Variants in TIAM2 observed in about 807,000 individuals in gnomAD.
The protein encoded by TIAM2 is rho guanine nucleotide exchange factor TIAM2.
Under a neutral mutation model 152.9 loss-of-function variants are expected in TIAM2, and 80 were observed. The observed-to-expected ratio is 0.52, with a 90% CI of 0.44 to 0.63. The LOEUF (loss-of-function observed/expected upper bound fraction) is 0.63, where lower values mean the gene tolerates loss of function less well. Among genes scored for constraint, TIAM2 ranks in the 30% least tolerant of loss-of-function variants. The pLI is 0.00. For missense variants in TIAM2, 1,965 were observed against 2,120.1 expected, an observed-to-expected ratio of 0.93 and a Z score of 1.44; for synonymous variants, 804 against 838.0, an observed-to-expected ratio of 0.96 and a Z score of 0.70.
intron 10 of TIAM2, among the ~76,000 whole-genome samples, chr6:155,177,385 C>T (rs1780783158): frequency 6.6e-6 from 1 of 152,170 alleles, no homozygotes; most frequent in South Asian, 2.1e-4. Flanking sequence ...AAACACGAAA[C>T]TTGATATATT....
chr6:155,029,462 T>G (rs1296910180), intron 1 of TIAM2, among the ~76,000 whole-genome samples: 2 of 56,254 alleles, frequency 3.6e-5, no homozygotes, highest in East Asian at 7.5e-4. Flanking sequence ...ATATTATATA[T>G]AATATATACT....
chr6:155,210,370 T>G (rs1781691175), intron 14 of TIAM2, among the ~76,000 whole-genome samples: 2 of 151,862 alleles, frequency 1.3e-5, no homozygotes, highest in African/African-American at 4.8e-5. Context: ...CCAGGCTGGA[T>G]TGCAGTGGCA....
intron 10 of TIAM2, among the ~76,000 whole-genome samples, chr6:155,177,242 C>CT (rs1210543957): frequency 1.3e-5 from 2 of 152,116 alleles, no homozygotes; most frequent in African/African-American, 4.8e-5. Flanking sequence ...TCTATGTATA[C>CT]TTTGATATCT....
chr6:155,214,833 G>T lies in TIAM2; in HGVS notation c.3168+3526G>T, dbSNP rs970458263. 6.6e-6 allele frequency among the ~76,000 whole-genome samples: 1 copy of T among 152,128 alleles called. No individual in the cohort carries two copies. Among genetic ancestry groups the T allele is most frequent in the Middle Eastern group, 3.2e-3 (1 of 316 alleles). On this transcript the variant is annotated intron_variant, in intron 15 of 26. Coordinates refer to ENST00000682666, the MANE Select transcript of TIAM2 (RefSeq NM_012454.4). The surrounding 1 kb of genome is among the most constrained non-coding windows in gnomAD (Gnocchi z 5.4). Reference sequence around the variant, plus strand: ...ATTTTAATAATACAATAGATATGGGGTCTCACTATGTTGCTGAGGCTGGTC... The same window carrying T: ...ATTTTAATAATACAATAGATATGGGTTCTCACTATGTTGCTGAGGCTGGTC...
chr6:155,112,125 CTTTT>C (rs34148436), intron 2 of TIAM2, among the ~76,000 whole-genome samples: 4 of 131,392 alleles, frequency 3.0e-5, no homozygotes, highest in Non-Finnish European at 4.8e-5. Flanking sequence ...TTGGTTTCCT[CTTTT>C]TTTTTTTTTT....
At chr6:155,183,945 T>C (rs1780972358) in intron 14 of TIAM2, among the ~76,000 whole-genome samples, 1 of 152,224 alleles carries the variant, frequency 6.6e-6, no homozygotes, top group Non-Finnish European at 1.5e-5. Flanking sequence ...TGTTAAGTAC[T>C]ACTTTATTAA....
intron 2 of TIAM2, among the ~76,000 whole-genome samples, chr6:155,101,378 C>T (rs565257805): frequency 6.6e-6 from 1 of 152,308 alleles, no homozygotes; most frequent in African/African-American, 2.4e-5. Flanking sequence ...CTCTTCAGCA[C>T]ATGAATATTG....
At chr6:155,144,881 G>T in intron 6 of TIAM2, 103 bp downstream of exon 6, 1 of 1,333,070 alleles carries the variant, frequency 7.5e-7, no homozygotes, top group Non-Finnish European at 1.0e-6. Flanking sequence ...TAAATACTTA[G>T]TTAGGCTTTG....
rs892443042 is a variant in TIAM2, at chr6:155,156,998, C to A, written c.2029-7417C>A. On this transcript the variant is annotated intron_variant, in intron 7 of 26. Coordinates refer to ENST00000682666, the MANE Select transcript of TIAM2 (RefSeq NM_012454.4). This position sits in a 1 kb window ranked among gnomAD's most constrained non-coding sequence, Gnocchi z 4.4. ...CTCCCACAGTTCTCCATGTCTGTGC[C>A]ACTGCTGTCATCCATGGCTTTGTCA... Among the ~76,000 whole-genome samples, 4 of 152,226 alleles carry A rather than the reference C, an allele frequency of 2.6e-5. No homozygotes were observed. Among genetic ancestry groups the A allele is most frequent in the Middle Eastern group, 3.2e-3 (1 of 316 alleles).
chr6:155,252,093 G>C, intron 23 of TIAM2, 90 bp downstream of exon 23: 2 of 1,030,392 alleles, frequency 1.9e-6, no homozygotes, highest in Non-Finnish European at 1.5e-6. Context: ...TGAGCACCAA[G>C]GCTGGGCTGA....
chr6:155,248,114 C>T lies in TIAM2; in HGVS notation c.3767C>T (p.Pro1256Leu), dbSNP rs759623858. 4 of 1,614,170 alleles carry T rather than the reference C, an allele frequency of 2.5e-6. No individual in the cohort carries two copies. Among genetic ancestry groups the T allele is most frequent in the South Asian group, 2.2e-5 (2 of 91,088 alleles). The change falls in exon 20 of 27, where the codon CCG (proline) becomes CTG (leucine). Residue 1256 changes from proline (P) to leucine (L), a missense_variant. Physicochemically the swap from Pro to Leu is moderately conservative, Grantham distance 98. This residue lies in a region of TIAM2 where 935 missense variants were observed against 980.0 expected (regional missense o/e 0.95). Coordinates refer to ENST00000682666, the MANE Select transcript of TIAM2 (RefSeq NM_012454.4). ...IKPVQRVLKY[P>L]LLLKELVSLT... The stretch of plus-strand genomic sequence containing the variant: ...CCGGTTCAGAGAGTGCTCAAGTACC[C>T]GCTGCTGCTCAAGGAGCTGGTGTCC...
intron 1 of TIAM2, among the ~76,000 whole-genome samples, chr6:155,082,711 T>TAG (rs1562310408): frequency 1.2e-5 from 1 of 81,872 alleles, no homozygotes; most frequent in African/African-American, 4.5e-5. Flanking sequence ...TAAATAAATA[T>TAG]CGTAGAAGTG....
chr6:155,182,634 A>G (rs961270948), intron 13 of TIAM2, among the ~76,000 whole-genome samples: 1 of 152,112 alleles, frequency 6.6e-6, no homozygotes, highest in Non-Finnish European at 1.5e-5. Context: ...AAGAAAATGC[A>G]TATGCCTATA....
At chr6:155,063,651 A>G (rs1414621652) in intron 1 of TIAM2, among the ~76,000 whole-genome samples, 1 of 151,986 alleles carries the variant, frequency 6.6e-6, no homozygotes, top group Non-Finnish European at 1.5e-5. Context: ...GCGTGGTGGT[A>G]CATGCCTGCT....
Position 155,226,522 on chromosome 6 carries a change from G to A in TIAM2, c.3169-14008G>A, listed in dbSNP as rs558382701. On this transcript the variant is annotated intron_variant, in intron 15 of 26. Transcript: ENST00000682666. ...CCATCTCTACTAAAAAAAATTAGCT[G>A]GGTATGGTGGTGCACGCCTGTAATC... Among the ~76,000 whole-genome samples the A allele has an allele frequency of 3.0e-3, 452 of 152,182 alleles. 3 individuals are homozygous for A. Among genetic ancestry groups the A allele is most frequent in the Non-Finnish European group, 4.5e-3 (307 of 68,002 alleles).
intron 16 of TIAM2, among the ~76,000 whole-genome samples, chr6:155,241,531 C>T (rs1402393871): frequency 1.3e-5 from 2 of 152,122 alleles, no homozygotes; most frequent in African/African-American, 2.4e-5. Flanking sequence ...CCAACTCTGA[C>T]GTGCTGGGTC....
At chr6:155,172,686 ATTTTTTTT>A (rs113165280) in intron 9 of TIAM2, among the ~76,000 whole-genome samples, 99 of 19,522 alleles carry the variant, frequency 5.1e-3, no homozygotes, top group Admixed American at 6.6e-3. Context: ...ATATATATAT[ATTTTTTTT>A]TTTTTTTTTT....
chr6:155,251,445 C>T (rs896442727), intron 22 of TIAM2, among the ~76,000 whole-genome samples: 1 of 152,212 alleles, frequency 6.6e-6, no homozygotes, highest in East Asian at 1.9e-4. Context: ...CGCCACCACG[C>T]CCGGCTGATT....
At chr6:155,168,697 T>C in intron 9 of TIAM2, 1 of 641,834 alleles carries the variant, frequency 1.6e-6, no homozygotes. Context: ...ATAAAAACTT[T>C]AAGTGTATTA....
Sources: allele counts gnomAD v4.1 joint callset (sites outside exome capture counted in the v4.1 genomes callset), GRCh38; gene constraint gnomAD v4.1.1; regional missense constraint gnomAD v4.1.1; non-coding constraint Gnocchi (gnomAD v3.1); transcripts MANE v1.5; gene names NCBI Gene and HGNC (gene_info 2026-07-23, HGNC 2026-07-21).